The following PIF1 variants were observed in gnomAD, a reference collection of about 807,000 sequenced individuals.
PIF1 encodes ATP-dependent DNA helicase PIF1.
A neutral mutation model predicts 62.3 loss-of-function variants in PIF1; 67 were observed. The ratio of observed to expected loss-of-function variants is 1.08; its 90% CI spans 0.88 to 1.32. The LOEUF (loss-of-function observed/expected upper bound fraction) is 1.32. PIF1 is among the 40% of genes most tolerant of loss of function. The probability of loss-of-function intolerance (pLI) is 0.00; values close to 1 mark genes in which losing one functional copy is unlikely to be tolerated. For synonymous variants in PIF1, 364 were observed against 379.5 expected (o/e 0.96, Z 0.47); for missense variants, 886 against 866.1 (o/e 1.02, Z -0.29).
chr15:64,826,624 T>TTATATATATATATATATATATA (rs764170884), upstream of PIF1, among the ~76,000 whole-genome samples: 3 of 36,050 alleles, frequency 8.3e-5, no homozygotes, highest in Non-Finnish European at 1.6e-4. Context: ...CCCAGCTAAT[T>TTATATATATATATATATATATA]TATATATATA....
chr15:64,826,624 TTATA>T (rs764170884), upstream of PIF1, among the ~76,000 whole-genome samples: 265 of 36,058 alleles, frequency 7.3e-3, 3 homozygotes, highest in African/African-American at 0.017. Context: ...CCCAGCTAAT[TTATA>T]TATATATATA....
Position 64,822,613 on chromosome 15 carries a change from G to T in PIF1, c.559-3C>A, listed in dbSNP as rs1475267128. 3 of 1,613,440 alleles carry T rather than the reference G, an allele frequency of 1.9e-6. No individual in the cohort carries two copies. The highest frequency in any genetic ancestry group is 8.5e-7 in the Non-Finnish European group (1 of 1,179,986). On this transcript the variant is annotated splice_polypyrimidine_tract_variant and splice_region_variant and intron_variant, in intron 2 of 12. Transcript: ENST00000559239. ...GGCAGGGGCCACCTTGGGGCTTCCTGGGGGGAACAGAGCTATCTCAGAGCA... is the reference window on the plus strand; with the variant it reads ...GGCAGGGGCCACCTTGGGGCTTCCTTGGGGGAACAGAGCTATCTCAGAGCA...
In PIF1 at chr15:64,821,369, G is replaced by C; in HGVS notation, c.969C>G (p.Ala323=). 6.2e-7 allele frequency: 1 copy of C among 1,613,994 alleles called. No individual in the cohort carries two copies. The highest frequency in any genetic ancestry group is 8.5e-7 in the Non-Finnish European group (1 of 1,179,934). The change falls in exon 5 of 13, where the codon GCC becomes GCG. Residue 323 remains alanine, a splice_region_variant and synonymous_variant. Coordinates refer to ENST00000559239, the MANE Select transcript of PIF1 (RefSeq NM_001286496.2). ...TGCTGCCCTCTGAACATACTGACCT[G>C]GCCACGGCCTCCAGTTTGTCAAACA... ...ADLFDKLEAV[A]RAVRQQNKPF...
chr15:64,817,087 T>C (rs999450714), intron 11 of PIF1, among the ~76,000 whole-genome samples: 2 of 152,062 alleles, frequency 1.3e-5, no homozygotes. Context: ...CTGTGCAAAA[T>C]AGGATTATTC....
At position 64,815,650 on chromosome 15, in the gene PIF1, G is replaced by A; in HGVS notation, c.*648C>T. ...GGCACAGTTTTTACACAATTCTCTAGTTTATTTGTCCGAAATAAATACAAC... is the reference window on the plus strand; with the variant it reads ...GGCACAGTTTTTACACAATTCTCTAATTTATTTGTCCGAAATAAATACAAC... On this transcript the variant is annotated 3_prime_UTR_variant, in exon 13 of 13. Coordinates refer to ENST00000559239, the MANE Select transcript of PIF1 (RefSeq NM_001286496.2). 2 of 1,518,108 alleles carry A rather than the reference G, an allele frequency of 1.3e-6. No homozygotes were observed. Among genetic ancestry groups the A allele is most frequent in the Middle Eastern group, 1.7e-4 (1 of 5,842 alleles). 94.0% of individuals were successfully genotyped at this position (1,518,108 alleles called of 1,614,324 possible).
chr15:64,822,037 G>A (rs1198520602), intron 4 of PIF1: 4 of 539,626 alleles, frequency 7.4e-6, no homozygotes, highest in Middle Eastern at 5.0e-4. Context: ...ACTGCGCCCG[G>A]CCGCTAATTT....
In PIF1 at chr15:64,816,004, C is replaced by T. The variant is rs1265919328; in HGVS notation, c.*294G>A. The T allele has an allele frequency of 1.7e-5, 25 of 1,495,698 alleles. 2 individuals are homozygous for T. The South Asian group carries it at 2.8e-4, about 17-fold the overall frequency. 92.7% of individuals were successfully genotyped at this position (1,495,698 alleles called of 1,614,324 possible). ...CTCTGTGTCCAGCCCTTGCAGAGAG[C>T]TTTGTCCTCTGACATCAGCTACCAC... is the stretch of plus-strand genomic sequence containing the variant. On this transcript the variant is annotated 3_prime_UTR_variant, in exon 13 of 13. Transcript: ENST00000559239.
rs752487060 is a variant in PIF1, at chr15:64,819,872, G to A, written c.1308C>T (p.Asn436=). 1.4e-5 allele frequency: 23 copies of A among 1,613,800 alleles called. No homozygotes were observed. Among genetic ancestry groups the A allele is most frequent in the South Asian group, 3.3e-5 (3 of 91,084 alleles). The change falls in exon 8 of 13, where the codon AAC becomes AAT. Residue 436 remains asparagine (N), a synonymous_variant. Coordinates refer to ENST00000559239, the MANE Select transcript of PIF1 (RefSeq NM_001286496.2). Reference sequence around the variant, plus strand: ...CTGGCAGCTCCTGAAGCCGCCTCTCGTTGGTGAGGGCCACATCATCCTGGT... The same window carrying A: ...CTGGCAGCTCCTGAAGCCGCCTCTCATTGGTGAGGGCCACATCATCCTGGT... ...CTHQDDVALT[N]ERRLQELPGK...
Position 64,818,245 on chromosome 15 carries a change from C to T in PIF1, c.1528+12G>A. 2 of 1,614,096 alleles carry T rather than the reference C, an allele frequency of 1.2e-6. No individual in the cohort carries two copies. Among genetic ancestry groups the T allele is most frequent in the Middle Eastern group, 1.6e-4 (1 of 6,062 alleles). On this transcript the variant is annotated intron_variant, in intron 10 of 12. Transcript: ENST00000559239. ...CCCCGTAGCAGGACTGCCACCTCCT[C>T]CCAACACTTACCTCTCCCTTCTGCC...
At chr15:64,820,066 G>T in intron 7 of PIF1, 80 bp from the exon 8 acceptor site, 1 of 1,535,956 alleles carries the variant, frequency 6.5e-7, no homozygotes. Flanking sequence ...GGCTCAAGCA[G>T]CAGGCCATGG....
At chr15:64,819,770 G>A (rs1303369143) in intron 8 of PIF1, 77 bp downstream of exon 8, 11 of 1,590,202 alleles carry the variant, frequency 6.9e-6, no homozygotes, top group Non-Finnish European at 9.4e-6. Context: ...AGGACCCAGA[G>A]GCCCAGGTTG....
chr15:64,822,015 C>T (rs560956414), intron 4 of PIF1: 3 of 473,440 alleles, frequency 6.3e-6, no homozygotes, highest in Non-Finnish European at 1.1e-5. Context: ...GCTGGGATTA[C>T]AGGCGTGAGC....
intron 7 of PIF1, 98 bp from the exon 8 acceptor site, chr15:64,820,084 C>T (rs1387655537): frequency 1.4e-6 from 2 of 1,457,302 alleles, no homozygotes; most frequent in African/African-American, 1.4e-5. Context: ...TGGGTCAGGC[C>T]TTGGGACTGG....
chr15:64,820,039 G>A (rs2084263900), intron 7 of PIF1, 53 bp from the exon 8 acceptor site: 1 of 1,585,132 alleles, frequency 6.3e-7, no homozygotes. Flanking sequence ...AGGGGAGGTG[G>A]GGAACATGGG....
intron 1 of PIF1, 36 bp from the exon 2 acceptor site, chr15:64,824,390 T>C (rs1463452050): frequency 2.4e-6 from 3 of 1,224,966 alleles, no homozygotes; most frequent in Non-Finnish European, 3.1e-6. Context: ...TCATGAGGAT[T>C]CATGAGACGT....
At position 64,822,477 on chromosome 15, in the gene PIF1, C is replaced by T. The variant is rs1387531295; in HGVS notation, c.691+1G>A. 5.6e-6 allele frequency: 9 copies of T among 1,613,982 alleles called. No individual in the cohort carries two copies. The Admixed American group carries it at 8.3e-5, about 15-fold the overall frequency. On this transcript the variant is annotated splice_donor_variant, in intron 3 of 12. Transcript: ENST00000559239. LOFTEE classifies it high-confidence loss of function. ...CCCTACCTCCTCTCTGCCCCCACTACCTGCACTCCCAGTGAAGAAGATGCT... is the reference window on the plus strand; with the variant it reads ...CCCTACCTCCTCTCTGCCCCCACTATCTGCACTCCCAGTGAAGAAGATGCT...
chr15:64,820,996 G>A lies in PIF1; in HGVS notation c.1179C>T (p.Ala393=), dbSNP rs761538493. The A allele has an allele frequency of 8.1e-6, 13 of 1,613,994 alleles. No homozygotes were observed. Among genetic ancestry groups the A allele is most frequent in the Non-Finnish European group, 1.1e-5 (13 of 1,179,950 alleles). The change falls in exon 7 of 13, where the codon GCC becomes GCT. Residue 393 remains alanine (A), a synonymous_variant. Coordinates refer to ENST00000559239, the MANE Select transcript of PIF1 (RefSeq NM_001286496.2). ...GCAGAGCTCACCTGCCTAGCCTCACGGCCTGCAGTAGAGAGATGAAGGTCT... is the reference window on the plus strand; with the variant it reads ...GCAGAGCTCACCTGCCTAGCCTCACAGCCTGCAGTAGAGAGATGAAGGTCT... The part of the protein sequence containing the change: ...ADQTFISLLQ[A]VRLGRCSDEV...
rs1279663473 is a variant in PIF1, at chr15:64,818,042, A to G, written c.1578T>C (p.Ala526=). Residue 526 remains alanine, a synonymous_variant, in exon 11 of 13, where the codon GCT becomes GCC. Transcript: ENST00000559239. ...FLCGVTEVIH[A]DRWTVQATGG... is the part of the protein sequence containing the mutation. ...CGGTGGCCTGCACCGTCCAGCGGTC[A>G]GCGTGGATGACCTCAGTGACTCCAC... The G allele has an allele frequency of 4.3e-6, 7 of 1,613,854 alleles. No individual in the cohort carries two copies. Among genetic ancestry groups the G allele is most frequent in the Non-Finnish European group, 4.2e-6 (5 of 1,179,956 alleles).
upstream of PIF1, among the ~76,000 whole-genome samples, chr15:64,826,685 T>TAC (rs2084375854): frequency 4.2e-4 from 39 of 91,854 alleles, no homozygotes; most frequent in African/African-American, 1.4e-3. Context: ...CACACATATA[T>TAC]ACACACACAT....
Sources: gnomAD v4.1 joint callset for allele counts (sites outside exome capture counted in the v4.1 genomes callset) on GRCh38, gnomAD v4.1.1 for gene constraint, MANE v1.5 for transcripts, NCBI Gene and HGNC (gene_info 2026-07-23, HGNC 2026-07-21) for gene names.